TRHDE: variants seen among roughly 807,000 people sequenced by gnomAD.
The protein encoded by TRHDE is thyrotropin releasing hormone degrading enzyme, also known as thyrotropin-releasing hormone-degrading ectoenzyme.
In TRHDE, 72 loss-of-function variants were observed where a neutral mutation model predicts 125.7. That is an observed-to-expected ratio of 0.57 (90% CI 0.47 to 0.70). TRHDE has a LOEUF of 0.70. Among genes scored for constraint, TRHDE ranks in the 30% least tolerant of loss-of-function variants. The pLI, the probability that TRHDE is intolerant of heterozygous loss-of-function variation, is 0.00. For missense variants in TRHDE, 1,110 were observed against 1,327.1 expected, an observed-to-expected ratio of 0.84 and a Z score of 2.54; for synonymous variants, 509 against 509.1, an observed-to-expected ratio of 1.00 and a Z score of 0.00.
At chr12:72,388,559 A>G (rs1251759802) in intron 3 of TRHDE, among the ~76,000 whole-genome samples, 1 of 152,218 alleles carries the variant, frequency 6.6e-6, no homozygotes, top group Non-Finnish European at 1.5e-5. Flanking sequence ...CAGGAGAGAA[A>G]GAGAAGGCAA....
At chr12:72,106,984 A>G (rs1484834) in intron 2 of TRHDE, among the ~76,000 whole-genome samples, 107,688 of 151,888 alleles carry the variant, frequency 0.71, 39,610 homozygotes, top group Non-Finnish European at 0.81. Flanking sequence ...GAACTTCTCA[A>G]CATCTGATCA....
chr12:72,280,468 T>C (rs1879656983), intron 1 of TRHDE, among the ~76,000 whole-genome samples: 1 of 152,164 alleles, frequency 6.6e-6, no homozygotes, highest in Non-Finnish European at 1.5e-5. Context: ...TCCCTTTGGC[T>C]GCTGTTTGTT....
intron 3 of TRHDE, among the ~76,000 whole-genome samples, chr12:72,419,337 G>T (rs982990466): frequency 6.6e-6 from 1 of 152,194 alleles, no homozygotes; most frequent in Non-Finnish European, 1.5e-5. Flanking sequence ...AGTCCATTTT[G>T]TGTTGCTGTA....
chr12:72,230,293 G>A (rs369662271), intron 2 of TRHDE, among the ~76,000 whole-genome samples: 5 of 152,130 alleles, frequency 3.3e-5, no homozygotes, highest in East Asian at 3.9e-4. Context: ...CAGTGCTTCC[G>A]TACATTCTTA....
intron 12 of TRHDE, among the ~76,000 whole-genome samples, chr12:72,593,760 G>C (rs752801514): frequency 9.9e-5 from 15 of 151,986 alleles, no homozygotes; most frequent in African/African-American, 9.7e-5. Flanking sequence ...GTGAGAACAC[G>C]CAGTGTTTGG....
intron 15 of TRHDE, among the ~76,000 whole-genome samples, chr12:72,639,400 ATTC>A (rs2136097168): frequency 6.6e-6 from 1 of 152,100 alleles, no homozygotes; most frequent in Non-Finnish European, 1.5e-5. Context: ...CTAGTTATAC[ATTC>A]TTCTAAACTT....
chr12:72,648,523 G>C (rs895697169), intron 15 of TRHDE, among the ~76,000 whole-genome samples: 10 of 152,008 alleles, frequency 6.6e-5, no homozygotes, highest in Admixed American at 2.0e-4. Flanking sequence ...AAAACCATTA[G>C]AACTAATAAG....
intron 2 of TRHDE, among the ~76,000 whole-genome samples, chr12:72,335,780 A>G (rs1288512877): frequency 1.6e-4 from 25 of 152,206 alleles, no homozygotes; most frequent in Non-Finnish European, 8.8e-5. Context: ...CATATTTGGA[A>G]GCCCAAAATT....
At chr12:72,231,861 C>T (rs947486962) in intron 2 of TRHDE, among the ~76,000 whole-genome samples, 3 of 152,060 alleles carry the variant, frequency 2.0e-5, no homozygotes, top group Non-Finnish European at 2.9e-5. Flanking sequence ...ATTTTTTTGC[C>T]ATAAGGAAAA....
chr12:72,391,816 T>C (rs997541904), intron 3 of TRHDE, among the ~76,000 whole-genome samples: 8 of 152,310 alleles, frequency 5.3e-5, no homozygotes, highest in Admixed American at 2.6e-4. Flanking sequence ...TCCATGTCTG[T>C]AGCAGAAATT....
chr12:72,511,438 C>A (rs1193912382), intron 6 of TRHDE, among the ~76,000 whole-genome samples: 2 of 152,260 alleles, frequency 1.3e-5, no homozygotes, highest in Admixed American at 6.5e-5. Context: ...ACCTATTAAA[C>A]ATCATCAAAA....
chr12:72,314,830 GTTAGAA>G (rs1307527865), intron 2 of TRHDE, among the ~76,000 whole-genome samples: 2 of 152,110 alleles, frequency 1.3e-5, no homozygotes, highest in African/African-American at 4.8e-5. Context: ...CTGATTAAAT[GTTAGAA>G]TTAGGAATTG....
At chr12:72,543,194 G>A (rs540262385) in intron 7 of TRHDE, among the ~76,000 whole-genome samples, 2 of 151,378 alleles carry the variant, frequency 1.3e-5, no homozygotes, top group Admixed American at 6.6e-5. Context: ...CTACATCTGG[G>A]TCCAGGTCAT....
chr12:72,338,054 G>A (rs1398895925), intron 2 of TRHDE, among the ~76,000 whole-genome samples: 1 of 152,124 alleles, frequency 6.6e-6, no homozygotes, highest in Non-Finnish European at 1.5e-5. Flanking sequence ...ACTGGAACTC[G>A]AAAATATGTT....
At position 72,469,808 on chromosome 12, in the gene TRHDE, C is replaced by G; in HGVS notation, c.1366C>G (p.Leu456Val). ...HPYAAMENWGLSIFVEQRILL... is the reference protein window; with the variant it reads ...HPYAAMENWGVSIFVEQRILL... ...GTATGCTGCTATGGAGAACTGGGGA[C>G]TAAGTATTTTTGTGGAACAAAGAAT... Residue 456 changes from leucine to valine, a missense_variant, in exon 4 of 19, where the codon CTA becomes GTA. Coordinates refer to ENST00000261180, the MANE Select transcript of TRHDE (RefSeq NM_013381.3). The G allele has an allele frequency of 6.2e-7, 1 of 1,614,002 alleles. No individual in the cohort carries two copies. Among genetic ancestry groups the G allele is most frequent in the Non-Finnish European group, 8.5e-7 (1 of 1,179,940 alleles).
At chr12:72,272,224 C>T (rs1460342354), upstream of TRHDE, 4 of 407,518 alleles carry the variant, frequency 9.8e-6, no homozygotes, top group African/African-American at 2.0e-5. The surrounding 1 kb of genome is among the most constrained non-coding windows in gnomAD (Gnocchi z 6.7). Context: ...CTCTTCCCAC[C>T]GCTCCCGTCC....
intron 2 of TRHDE, among the ~76,000 whole-genome samples, chr12:72,136,709 G>T (rs539082952): frequency 1.3e-5 from 2 of 152,340 alleles, no homozygotes; most frequent in Admixed American, 6.5e-5. Flanking sequence ...AATTGAAGGG[G>T]AATATGGAGC....
intron 2 of TRHDE, among the ~76,000 whole-genome samples, chr12:72,236,514 T>C (rs1388353250): frequency 6.6e-6 from 1 of 152,178 alleles, no homozygotes; most frequent in Non-Finnish European, 1.5e-5. Flanking sequence ...CTTTCTCCTC[T>C]TAAAACACTT....
chr12:72,472,199 C>T (rs1248571171), intron 4 of TRHDE, among the ~76,000 whole-genome samples: 3 of 152,142 alleles, frequency 2.0e-5, no homozygotes, highest in East Asian at 1.9e-4. Context: ...CTCCCCTCAT[C>T]CCCCCTACCT....
Sources: allele counts gnomAD v4.1 joint callset (sites outside exome capture counted in the v4.1 genomes callset), GRCh38; gene constraint gnomAD v4.1.1; non-coding constraint Gnocchi (gnomAD v3.1); transcripts MANE v1.5; gene names NCBI Gene and HGNC (gene_info 2026-07-23, HGNC 2026-07-21).